SCN2A: variants seen among roughly 807,000 people sequenced by gnomAD.
SCN2A encodes the protein sodium voltage-gated channel alpha subunit 2, also known as sodium channel protein type 2 subunit alpha.
Under a neutral mutation model 188.7 loss-of-function variants are expected in SCN2A, and 20 were observed. The observed-to-expected ratio is 0.11, with a 90% CI of 0.07 to 0.15. SCN2A has a LOEUF of 0.15. Ranked by LOEUF, SCN2A falls within the 10% of genes least tolerant of loss-of-function variation. SCN2A has a pLI of 1.00. For synonymous variants in SCN2A, 804 were observed against 833.1 expected, an observed-to-expected ratio of 0.97 and a Z score of 0.60; for missense variants, 1,278 against 2,445.0, an observed-to-expected ratio of 0.52 and a Z score of 10.07.
At chr2:165,246,330 T>C (rs1396554472) in intron 1 of SCN2A, among the ~76,000 whole-genome samples, 1 of 152,158 alleles carries the variant, frequency 6.6e-6, no homozygotes, top group Non-Finnish European at 1.5e-5. Flanking sequence ...TCCTGTAAAG[T>C]AGTTAAATTA....
intron 15 of SCN2A, among the ~76,000 whole-genome samples, chr2:165,343,471 G>C (rs1699418417): frequency 6.6e-6 from 1 of 152,170 alleles, no homozygotes; most frequent in African/African-American, 2.4e-5. Flanking sequence ...CTTCATGATA[G>C]TGTGATGCAG....
chr2:165,347,414 G>T (rs1211561867), intron 16 of SCN2A, among the ~76,000 whole-genome samples: 1 of 151,996 alleles, frequency 6.6e-6, no homozygotes, highest in Non-Finnish European at 1.5e-5. Flanking sequence ...GACACAGGGA[G>T]GGGAACATCA....
At chr2:165,256,070 G>A (rs2390164) in intron 1 of SCN2A, among the ~76,000 whole-genome samples, 53,086 of 144,754 alleles carry the variant, frequency 0.37, 10,109 homozygotes, top group African/African-American at 0.47. Context: ...CAGTGGCGCA[G>A]TCTCGGCTCA....
chr2:165,296,280 T>C (rs1696505976), intron 2 of SCN2A, 190 bp downstream of exon 2: 2 of 619,132 alleles, frequency 3.2e-6, no homozygotes, highest in African/African-American at 3.7e-5. Flanking sequence ...TGAACCTGCA[T>C]TTGTGAGACA....
At chr2:165,365,314 T>G in intron 18 of SCN2A, 51 bp downstream of exon 18, 15 of 1,599,820 alleles carry the variant, frequency 9.4e-6, no homozygotes, top group Non-Finnish European at 1.3e-5. Flanking sequence ...TTTCTACCCA[T>G]TTTTTCCTAT....
chr2:165,277,223 C>T (rs1695388133), intron 1 of SCN2A, among the ~76,000 whole-genome samples: 1 of 151,938 alleles, frequency 6.6e-6, no homozygotes, highest in Non-Finnish European at 1.5e-5. Flanking sequence ...GCAGTATCTG[C>T]TAGTAATTGA....
intron 2 of SCN2A, chr2:165,296,473 G>A (rs759657239): frequency 3.9e-6 from 1 of 253,712 alleles, no homozygotes. Context: ...ATATTTGCAG[G>A]AGTAGTATCT....
intron 11 of SCN2A, among the ~76,000 whole-genome samples, chr2:165,318,214 T>C (rs1365826642): frequency 6.6e-6 from 1 of 152,190 alleles, no homozygotes; most frequent in East Asian, 1.9e-4. Flanking sequence ...TACTGCAAGA[T>C]TATAATTTCT....
chr2:165,345,884 G>C (rs1283117925), intron 16 of SCN2A, among the ~76,000 whole-genome samples: 1 of 152,172 alleles, frequency 6.6e-6, no homozygotes, highest in Non-Finnish European at 1.5e-5. Context: ...TCCTTCAGGA[G>C]CTCTTGTAAG....
intron 26 of SCN2A, among the ~76,000 whole-genome samples, chr2:165,387,960 A>G (rs577356295): frequency 6.6e-6 from 1 of 152,186 alleles, no homozygotes; most frequent in Non-Finnish European, 1.5e-5. Context: ...CAGCTCTCCA[A>G]TCTCTGGTTT....
At chr2:165,309,095 G>A (rs1455675038) in intron 5 of SCN2A, 34 of 1,511,946 alleles carry the variant, frequency 2.2e-5, no homozygotes, top group Non-Finnish European at 2.8e-5. Context: ...AAATTAAAAA[G>A]GTCTTGATGA....
chr2:165,250,035 T>C (rs1201384590), intron 1 of SCN2A, among the ~76,000 whole-genome samples: 2 of 152,004 alleles, frequency 1.3e-5, no homozygotes, highest in Non-Finnish European at 2.9e-5. Context: ...ACATGCAGCA[T>C]ATACTTCCAT....
At chr2:165,337,923 C>T (rs1299923129) in intron 14 of SCN2A, among the ~76,000 whole-genome samples, 1 of 151,986 alleles carries the variant, frequency 6.6e-6, no homozygotes, top group African/African-American at 2.4e-5. Flanking sequence ...ATTTTTTTCA[C>T]ATTTATTTTA....
chr2:165,311,386 G>C (rs1415147614), intron 7 of SCN2A, among the ~76,000 whole-genome samples: 1 of 151,996 alleles, frequency 6.6e-6, no homozygotes, highest in Non-Finnish European at 1.5e-5. Context: ...ATAAAAACTA[G>C]ATAGCTCTCC....
intron 1 of SCN2A, among the ~76,000 whole-genome samples, chr2:165,254,767 A>G (rs1302846283): frequency 1.3e-5 from 2 of 151,822 alleles, no homozygotes; most frequent in Non-Finnish European, 3.0e-5. Flanking sequence ...AAAAGCTAAG[A>G]AAAATGAATT....
chr2:165,309,315 T>C, intron 5 of SCN2A, 37 bp from the exon 6 acceptor site: 1 of 1,613,612 alleles, frequency 6.2e-7, no homozygotes, highest in East Asian at 2.2e-5. Flanking sequence ...TTTCTTGTGT[T>C]CTGTCATTGT....
chr2:165,280,617 C>G (rs1695543203), intron 1 of SCN2A, among the ~76,000 whole-genome samples: 1 of 152,192 alleles, frequency 6.6e-6, no homozygotes, highest in Non-Finnish European at 1.5e-5. Flanking sequence ...TGTGAAAGTA[C>G]AGATCCCTTG....
chr2:165,374,065 A>C (rs1701186522), intron 21 of SCN2A, among the ~76,000 whole-genome samples: 1 of 152,166 alleles, frequency 6.6e-6, no homozygotes, highest in East Asian at 1.9e-4. Context: ...CTAAGAAAAT[A>C]GTTACTTAGA....
chr2:165,339,306 C>A (rs1189601619), intron 14 of SCN2A, among the ~76,000 whole-genome samples: 2 of 151,680 alleles, frequency 1.3e-5, no homozygotes, highest in African/African-American at 4.8e-5. Flanking sequence ...GTAGTGAATT[C>A]TTGCCCCTTA....
Sources: allele counts gnomAD v4.1 joint callset (sites outside exome capture counted in the v4.1 genomes callset), GRCh38; gene constraint gnomAD v4.1.1; transcripts MANE v1.5; gene names NCBI Gene and HGNC (gene_info 2026-07-23, HGNC 2026-07-21).